The following RAB3GAP2 variants were observed in gnomAD, a reference collection of about 807,000 sequenced individuals.
The protein encoded by RAB3GAP2 is rab3 GTPase-activating protein non-catalytic subunit.
A neutral mutation model predicts 185.3 loss-of-function variants in RAB3GAP2; 87 were observed. The ratio of observed to expected loss-of-function variants is 0.47; its 90% CI spans 0.39 to 0.56. The LOEUF is 0.56. Among genes scored for constraint, RAB3GAP2 ranks in the 20% least tolerant of loss-of-function variants. The probability of loss-of-function intolerance (pLI) is 0.00; values close to 1 mark genes in which losing one functional copy is unlikely to be tolerated. For missense variants in RAB3GAP2, 1,492 were observed against 1,638.2 expected, an observed-to-expected ratio of 0.91 and a Z score of 1.54; for synonymous variants, 554 against 576.1, an observed-to-expected ratio of 0.96 and a Z score of 0.55.
At position 220,192,250 on chromosome 1, in the gene RAB3GAP2, C is replaced by T. The variant is rs193038631; in HGVS notation, c.1271-966G>A. Among the ~76,000 whole-genome samples, 262 of 152,284 alleles carry T rather than the reference C, an allele frequency of 1.7e-3. 2 individuals carry two copies. The highest frequency in any genetic ancestry group is 3.4e-3 in the Middle Eastern group (1 of 294). ...AGTATTAAAACTATTTCTACAGATACTGAGACATGTAGTAGGTAAAGACTG... is the reference window on the plus strand; with the variant it reads ...AGTATTAAAACTATTTCTACAGATATTGAGACATGTAGTAGGTAAAGACTG... On this transcript the variant is annotated intron_variant, in intron 13 of 34. Transcript: ENST00000358951.
chr1:220,162,272 G>C lies in RAB3GAP2; in HGVS notation c.3155-4C>G. ...TTCCACATCATCAGTGCAATGCCTAGATAGCAAGTAAAAGTAGTAAATAGA... is the reference window on the plus strand; with the variant it reads ...TTCCACATCATCAGTGCAATGCCTACATAGCAAGTAAAAGTAGTAAATAGA... On this transcript the variant is annotated splice_polypyrimidine_tract_variant and splice_region_variant and intron_variant, in intron 27 of 34. Transcript: ENST00000358951. The C allele has an allele frequency of 1.9e-6, 3 of 1,578,304 alleles. No homozygotes were observed. The highest frequency in any genetic ancestry group is 2.6e-6 in the Non-Finnish European group (3 of 1,147,754).
intron 1 of RAB3GAP2, among the ~76,000 whole-genome samples, chr1:220,255,732 G>A (rs1194401468): frequency 2.0e-5 from 3 of 152,136 alleles, no homozygotes; most frequent in East Asian, 3.9e-4. Context: ...AGAATAGAGG[G>A]AAAGAAAATG....
rs372380500 is a variant in RAB3GAP2, at chr1:220,157,369, G to A, written c.3456C>T (p.Tyr1152=). Residue 1152 remains tyrosine (Y), a synonymous_variant, in exon 31 of 35, where the codon TAC becomes TAT. Transcript: ENST00000358951. Reference sequence around the variant, plus strand: ...GGATGGAGTGGTGCTCCACCAGTGGGTAGTGGATGTGCTTCTGTTCAAGGG... The same window carrying A: ...GGATGGAGTGGTGCTCCACCAGTGGATAGTGGATGTGCTTCTGTTCAAGGG... ...ELALEQKHIH[Y]PLVEHHSILC... is the part of the protein sequence containing the mutation. 5 of 1,613,090 alleles carry A rather than the reference G, an allele frequency of 3.1e-6. No homozygotes were observed. The highest frequency in any genetic ancestry group is 4.5e-5 in the East Asian group (2 of 44,886).
intron 26 of RAB3GAP2, among the ~76,000 whole-genome samples, chr1:220,166,759 CCT>C (rs1482579244): frequency 6.6e-6 from 1 of 151,902 alleles, no homozygotes; most frequent in African/African-American, 2.4e-5. Flanking sequence ...TCACGATCTG[CCT>C]CTTTGTTCTT....
At position 220,184,645 on chromosome 1, in the gene RAB3GAP2, A is replaced by G. The variant is rs566454338; in HGVS notation, c.1871-482T>C. Among the ~76,000 whole-genome samples, 9 of 152,260 alleles carry G rather than the reference A, an allele frequency of 5.9e-5. 1 individual carries two copies. The East Asian group carries it at 1.5e-3, about 26-fold the overall frequency. On this transcript the variant is annotated intron_variant, in intron 18 of 34. Transcript: ENST00000358951. ...AAAACTGACCACACAAAATGATTAA[A>G]GTTTTTAGGAATCTTATGTTTATGT...
chr1:220,148,461 T>TATTC lies in RAB3GAP2; in HGVS notation c.*2786_*2789dup, dbSNP rs1421675573. 2.6e-5 allele frequency: 4 copies of TATTC among 152,226 alleles called. No homozygotes were observed. The highest frequency in any genetic ancestry group is 9.6e-5 in the African/African-American group (4 of 41,462). 9.4% of individuals were successfully genotyped at this position (152,226 alleles called of 1,614,324 possible). A position where few individuals can be genotyped will look rare whatever the true frequency, so the allele number is the denominator to read the frequency against. The stretch of plus-strand genomic sequence containing the variant: ...AAAATCTTTTAAGGATGGCTAATTC[T>TATTC]ATTCAGCAGGAATCTAACTTCTAGA... On this transcript the variant is annotated 3_prime_UTR_variant, in exon 35 of 35. Coordinates refer to ENST00000358951, the MANE Select transcript of RAB3GAP2 (RefSeq NM_012414.4).
chr1:220,219,785 A>T (rs1300957726), intron 2 of RAB3GAP2, among the ~76,000 whole-genome samples: 5 of 152,214 alleles, frequency 3.3e-5, no homozygotes, highest in Non-Finnish European at 5.9e-5. Context: ...GCTGGATCAC[A>T]ATGAGCTAGT....
intron 21 of RAB3GAP2, among the ~76,000 whole-genome samples, chr1:220,179,705 A>T (rs1228086138): frequency 2.0e-5 from 3 of 152,264 alleles, no homozygotes; most frequent in Admixed American, 2.0e-4. Flanking sequence ...GAGATCAGTA[A>T]CAAGAGGAAC....
intron 20 of RAB3GAP2, 62 bp from the exon 21 acceptor site, chr1:220,182,416 T>C: frequency 6.2e-7 from 1 of 1,602,884 alleles, no homozygotes; most frequent in South Asian, 1.1e-5. Flanking sequence ...CTAACAATCT[T>C]ATTGAATCAC....
chr1:220,267,620 C>T (rs929480160), intron 1 of RAB3GAP2: 1 of 1,395,538 alleles, frequency 7.2e-7, no homozygotes, highest in Non-Finnish European at 1.0e-6. Context: ...GCGGGGACTG[C>T]TTGCTGTTTT....
chr1:220,214,967 T>TATATATATATATATATAC (rs1659161891), intron 2 of RAB3GAP2, among the ~76,000 whole-genome samples: 1 of 139,570 alleles, frequency 7.2e-6, no homozygotes, highest in African/African-American at 2.7e-5. Context: ...TATATATATA[T>TATATATATATATATATAC]ATATATATAC....
intron 9 of RAB3GAP2, among the ~76,000 whole-genome samples, chr1:220,198,797 T>C (rs1658781885): frequency 6.6e-6 from 1 of 152,158 alleles, no homozygotes. Context: ...TCCCACACTT[T>C]GAAAGACATC....
chr1:220,252,345 T>C lies in RAB3GAP2; in HGVS notation c.116-19482A>G, dbSNP rs149224897. Among the ~76,000 whole-genome samples the C allele has an allele frequency of 3.1e-3, 473 of 152,170 alleles. 5 individuals are homozygous for C. The highest frequency in any genetic ancestry group is 0.011 in the African/African-American group (458 of 41,532). On this transcript the variant is annotated intron_variant, in intron 1 of 34. Transcript: ENST00000358951. ...CAAATAAATAAAATTCCCAATTAGC[T>C]TGTGTGTATGTGTGTGTTGACTGAG...
intron 9 of RAB3GAP2, among the ~76,000 whole-genome samples, chr1:220,201,041 G>C (rs1244824278): frequency 6.6e-6 from 1 of 152,114 alleles, no homozygotes; most frequent in Non-Finnish European, 1.5e-5. Context: ...CTATGTTGTA[G>C]TATTGTAGCC....
At position 220,167,408 on chromosome 1, in the gene RAB3GAP2, C is replaced by A. The variant is rs1427492384; in HGVS notation, c.2981-9G>T. On this transcript the variant is annotated splice_polypyrimidine_tract_variant and intron_variant, in intron 25 of 34. Transcript: ENST00000358951. ...GGCTAAATGCAGTAAGTCTGAAAGTCAGAAGAAAGCAGTGATGTTATTTTT... is the reference window on the plus strand; with the variant it reads ...GGCTAAATGCAGTAAGTCTGAAAGTAAGAAGAAAGCAGTGATGTTATTTTT... 3.1e-6 allele frequency: 5 copies of A among 1,613,744 alleles called. No homozygotes were observed. In the East Asian group the frequency reaches 6.7e-5, roughly 22 times the overall value.
At chr1:220,179,038 GA>G (rs2102863354) in intron 21 of RAB3GAP2, among the ~76,000 whole-genome samples, 1 of 152,064 alleles carries the variant, frequency 6.6e-6, no homozygotes, top group Admixed American at 6.5e-5. Flanking sequence ...TGAGGGAATG[GA>G]AAAAGATATT....
chr1:220,226,960 G>T (rs1659413903), intron 2 of RAB3GAP2, among the ~76,000 whole-genome samples: 1 of 152,140 alleles, frequency 6.6e-6, no homozygotes, highest in Non-Finnish European at 1.5e-5. Flanking sequence ...TAGAAGAAAG[G>T]CCAAATGAGG....
intron 1 of RAB3GAP2, among the ~76,000 whole-genome samples, chr1:220,261,974 T>A (rs140155645): frequency 2.6e-4 from 39 of 152,012 alleles, no homozygotes; most frequent in African/African-American, 9.4e-4. Context: ...TCTAATTGAT[T>A]GACATTTTGT....
chr1:220,159,878 G>A (rs989178971), intron 28 of RAB3GAP2, among the ~76,000 whole-genome samples: 3 of 151,922 alleles, frequency 2.0e-5, no homozygotes, highest in East Asian at 3.9e-4. Context: ...TTAGCTGGGC[G>A]TGGTGGCATG....
Sources: allele counts gnomAD v4.1 joint callset (sites outside exome capture counted in the v4.1 genomes callset), GRCh38; gene constraint gnomAD v4.1.1; transcripts MANE v1.5; gene names NCBI Gene and HGNC (gene_info 2026-07-23, HGNC 2026-07-21).